Variants in CTNNA3 observed in about 807,000 individuals in gnomAD.
The protein encoded by CTNNA3 is catenin alpha-3.
In CTNNA3, 76 loss-of-function variants were observed where a neutral mutation model predicts 95.7. That is an observed-to-expected ratio of 0.79 (90% CI 0.66 to 0.96). CTNNA3 has a LOEUF of 0.96. CTNNA3 is among the 40% of genes least tolerant of loss of function. CTNNA3 has a pLI of 0.00. For missense variants in CTNNA3, 1,191 were observed against 1,089.8 expected, an observed-to-expected ratio of 1.09 and a Z score of -1.31; for synonymous variants, 431 against 374.4, an observed-to-expected ratio of 1.15 and a Z score of -1.74.
In CTNNA3 at chr10:66,224,122, A is replaced by G. The variant is rs112598632; in HGVS notation, c.1884+56348T>C. ...CTCACTGTTTGAGCTGAGGCATCTC[A>G]TATCTTCTCAGACACTGGGAGTAGG... On this transcript the variant is annotated intron_variant, in intron 13 of 17. Coordinates refer to ENST00000433211, the MANE Select transcript of CTNNA3 (RefSeq NM_013266.4). 8.0e-3 allele frequency among the ~76,000 whole-genome samples: 1,219 copies of G among 152,294 alleles called. 13 individuals carry two copies. The highest frequency in any genetic ancestry group is 0.028 in the African/African-American group (1,153 of 41,558).
chr10:66,298,070 T>C (rs1403767951), intron 12 of CTNNA3, among the ~76,000 whole-genome samples: 1 of 152,174 alleles, frequency 6.6e-6, no homozygotes, highest in Non-Finnish European at 1.5e-5. Context: ...TCCTGTCTGG[T>C]TCATTGTTTG....
At chr10:66,287,374 T>C (rs2091606489) in intron 12 of CTNNA3, among the ~76,000 whole-genome samples, 1 of 152,122 alleles carries the variant, frequency 6.6e-6, no homozygotes, top group South Asian at 2.1e-4. Context: ...ACTTCTAAAA[T>C]CCTGACAGAA....
intron 15 of CTNNA3, among the ~76,000 whole-genome samples, chr10:66,050,847 C>A (rs1273595917): frequency 3.4e-5 from 5 of 146,986 alleles, no homozygotes. Flanking sequence ...TTTCTGGGTT[C>A]CCATTTCTTA....
chr10:66,498,068 T>G (rs1023181213), intron 11 of CTNNA3, among the ~76,000 whole-genome samples: 1 of 152,088 alleles, frequency 6.6e-6, no homozygotes, highest in African/African-American at 2.4e-5. Flanking sequence ...AGTAGAAATG[T>G]GATATTTTAT....
chr10:66,659,272 C>T (rs571423035), intron 9 of CTNNA3, among the ~76,000 whole-genome samples: 2 of 151,702 alleles, frequency 1.3e-5, no homozygotes, highest in South Asian at 4.2e-4. Context: ...AAAAATGAAG[C>T]ACTATAATAA....
chr10:66,334,989 A>T (rs1244092174), intron 12 of CTNNA3, among the ~76,000 whole-genome samples: 1 of 152,068 alleles, frequency 6.6e-6, no homozygotes, highest in Middle Eastern at 3.4e-3. Flanking sequence ...TTGATCTTAC[A>T]TCACTGATAC....
rs180724710 is a variant in CTNNA3, at chr10:66,386,765, C to A, written c.1532-7413G>T. ...AAAACAGATATATAGACCAATGGAA[C>A]AGAACAGAGGCTCAGAAATAATGCC... On this transcript the variant is annotated intron_variant, in intron 11 of 17. Transcript: ENST00000433211. Among the ~76,000 whole-genome samples the A allele has an allele frequency of 2.8e-3, 431 of 152,244 alleles. 9 individuals carry two copies. In the East Asian group the frequency reaches 0.073, roughly 26 times the overall value.
Position 66,797,983 on chromosome 10 carries a change from G to A in CTNNA3, c.1048-22459C>T, listed in dbSNP as rs141997953. On this transcript the variant is annotated intron_variant, in intron 7 of 17. Transcript: ENST00000433211. ...ATTTCTCCATATATGCATCCAGATT[G>A]GCCTTTGACAATATCTTACCACAAG... 1.8e-4 allele frequency among the ~76,000 whole-genome samples: 28 copies of A among 151,790 alleles called. No individual in the cohort carries two copies. The East Asian group carries it at 5.2e-3, about 28-fold the overall frequency.
At chr10:67,449,538 T>C (rs915094403) in intron 5 of CTNNA3, among the ~76,000 whole-genome samples, 3 of 152,036 alleles carry the variant, frequency 2.0e-5, no homozygotes, top group African/African-American at 7.2e-5. Context: ...TTGACAAATC[T>C]GACAAAAACA....
At chr10:65,960,497 C>G (rs1315227105) in intron 17 of CTNNA3, among the ~76,000 whole-genome samples, 1 of 152,124 alleles carries the variant, frequency 6.6e-6, no homozygotes, top group Non-Finnish European at 1.5e-5. Context: ...TGCACTCCAG[C>G]CTGGGTGACA....
At chr10:66,146,984 A>G (rs1415140817) in intron 13 of CTNNA3, among the ~76,000 whole-genome samples, 1 of 152,214 alleles carries the variant, frequency 6.6e-6, no homozygotes, top group African/African-American at 2.4e-5. Flanking sequence ...TTAGAAAGTC[A>G]GAAAGAAATG....
chr10:66,215,205 G>A (rs2088446304), intron 13 of CTNNA3, among the ~76,000 whole-genome samples: 2 of 152,276 alleles, frequency 1.3e-5, no homozygotes, highest in African/African-American at 4.8e-5. Context: ...ATGCCACCAG[G>A]AGGCGGTGTA....
At chr10:66,444,006 C>T (rs1163627828) in intron 11 of CTNNA3, among the ~76,000 whole-genome samples, 1 of 152,048 alleles carries the variant, frequency 6.6e-6, no homozygotes, top group African/African-American at 2.4e-5. Flanking sequence ...AAAGCCAAGG[C>T]TCAAGAACTA....
chr10:66,522,125 A>T (rs1404757917), intron 10 of CTNNA3, among the ~76,000 whole-genome samples: 1 of 152,080 alleles, frequency 6.6e-6, no homozygotes, highest in South Asian at 2.1e-4. Context: ...ATGGATGTGG[A>T]TGGGCTGCTT....
At chr10:67,505,045 G>T (rs191306935) in intron 5 of CTNNA3, among the ~76,000 whole-genome samples, 1 of 152,278 alleles carries the variant, frequency 6.6e-6, no homozygotes. Flanking sequence ...AAAACTTCCT[G>T]TCTGATTTTT....
chr10:66,762,769 C>G (rs1487317606), intron 9 of CTNNA3, among the ~76,000 whole-genome samples: 1 of 151,854 alleles, frequency 6.6e-6, no homozygotes, highest in African/African-American at 2.4e-5. Context: ...TTTTTACTAT[C>G]TTTTTGTAAA....
At chr10:66,625,229 G>A (rs577398893) in intron 9 of CTNNA3, among the ~76,000 whole-genome samples, 1 of 152,162 alleles carries the variant, frequency 6.6e-6, no homozygotes, top group East Asian at 1.9e-4. Context: ...CCTCTAAAAT[G>A]TATGGTATAT....
At chr10:67,245,929 A>G (rs1352607034) in intron 5 of CTNNA3, among the ~76,000 whole-genome samples, 1 of 152,006 alleles carries the variant, frequency 6.6e-6, no homozygotes, top group Non-Finnish European at 1.5e-5. Flanking sequence ...TACAAATAGC[A>G]TAAACTTCCT....
chr10:66,436,828 G>A (rs977674877), intron 11 of CTNNA3, among the ~76,000 whole-genome samples: 2 of 152,104 alleles, frequency 1.3e-5, no homozygotes, highest in African/African-American at 2.4e-5. Flanking sequence ...GCTGGTACCA[G>A]TTTTTCCTTG....
Sources: allele counts gnomAD v4.1 joint callset (sites outside exome capture counted in the v4.1 genomes callset), GRCh38; gene constraint gnomAD v4.1.1; transcripts MANE v1.5; gene names NCBI Gene and HGNC (gene_info 2026-07-23, HGNC 2026-07-21).